Variants in SLC12A2 observed in about 807,000 individuals in gnomAD.
The protein encoded by SLC12A2 is solute carrier family 12 member 2, also known as Na-K-2Cl cotransporter 1.
In SLC12A2, 67 loss-of-function variants were observed where a neutral mutation model predicts 136.3. That is an observed-to-expected ratio of 0.49 (90% CI 0.40 to 0.60). The LOEUF (loss-of-function observed/expected upper bound fraction) is 0.60. SLC12A2 is among the 20% of genes least tolerant of loss of function. SLC12A2 has a pLI of 0.00. For synonymous variants in SLC12A2, 619 were observed against 562.9 expected, an observed-to-expected ratio of 1.10 and a Z score of -1.41; for missense variants, 1,322 against 1,534.7, an observed-to-expected ratio of 0.86 and a Z score of 2.32.
At chr5:128,090,951 G>A (rs1363833584) in intron 1 of SLC12A2, among the ~76,000 whole-genome samples, 2 of 152,206 alleles carry the variant, frequency 1.3e-5, no homozygotes, top group African/African-American at 4.8e-5. Context: ...GGAAGGCATT[G>A]TAGGGTTTTG....
At chr5:128,111,066 TATTA>T (rs1761125850) in intron 1 of SLC12A2, 8 of 602,308 alleles carry the variant, frequency 1.3e-5, no homozygotes, top group African/African-American at 1.9e-5. Flanking sequence ...TTTTTTTAAG[TATTA>T]ATTCCATGGA....
intron 4 of SLC12A2, among the ~76,000 whole-genome samples, chr5:128,121,818 C>T (rs1179025276): frequency 6.6e-6 from 1 of 152,164 alleles, no homozygotes; most frequent in Non-Finnish European, 1.5e-5. Flanking sequence ...CTTTCCTGTT[C>T]TACGAATCAT....
chr5:128,135,627 A>T (rs1762162841), intron 6 of SLC12A2, 73 bp from the exon 7 acceptor site: 4 of 1,002,142 alleles, frequency 4.0e-6, no homozygotes, highest in Non-Finnish European at 6.3e-6. Flanking sequence ...CATGGAAGTT[A>T]TATTCTAGGG....
chr5:128,154,347 G>A (rs1459485359), intron 15 of SLC12A2, among the ~76,000 whole-genome samples: 2 of 151,764 alleles, frequency 1.3e-5, no homozygotes, highest in African/African-American at 4.8e-5. Flanking sequence ...GCCAAGGAGT[G>A]TCTAGGCTAT....
intron 21 of SLC12A2, 51 bp from the exon 22 acceptor site, chr5:128,178,516 G>A (rs1303084750): frequency 5.1e-6 from 7 of 1,376,780 alleles, no homozygotes; most frequent in Non-Finnish European, 6.8e-6. Flanking sequence ...TCAGCAAAAG[G>A]GACTTTAATA....
intron 4 of SLC12A2, 95 bp downstream of exon 4, chr5:128,114,776 C>A: frequency 1.3e-6 from 1 of 773,426 alleles, no homozygotes. Context: ...TTAACTGAAG[C>A]AACATATTAA....
At chr5:128,154,730 A>G (rs1031278937) in intron 15 of SLC12A2, among the ~76,000 whole-genome samples, 17 of 152,270 alleles carry the variant, frequency 1.1e-4, no homozygotes, top group African/African-American at 3.6e-4. Flanking sequence ...GTTGTTGTTC[A>G]TGTCTTCTAT....
At chr5:128,110,736 C>A (rs532239604) in intron 1 of SLC12A2, 10 of 1,454,834 alleles carry the variant, frequency 6.9e-6, no homozygotes, top group South Asian at 1.1e-5. Flanking sequence ...GCAACCTGAG[C>A]GATCTGCTAG....
chr5:128,167,631 A>G (rs1246347467), intron 17 of SLC12A2, 130 bp from the exon 18 acceptor site: 1 of 549,518 alleles, frequency 1.8e-6, no homozygotes, highest in Non-Finnish European at 3.2e-6. Context: ...AAATATGAAT[A>G]TGGAATGCTG....
intron 19 of SLC12A2, among the ~76,000 whole-genome samples, 183 bp from the exon 20 acceptor site, chr5:128,174,358 C>G (rs1443962617): frequency 6.6e-6 from 1 of 152,056 alleles, no homozygotes; most frequent in East Asian, 1.9e-4. Flanking sequence ...CAACCTGTAA[C>G]CTAGTTGTGG....
chr5:128,097,363 C>T (rs974839789), intron 1 of SLC12A2, among the ~76,000 whole-genome samples: 1 of 151,974 alleles, frequency 6.6e-6, no homozygotes, highest in African/African-American at 2.4e-5. Context: ...CCAATGCTGC[C>T]TATAGAATAT....
rs1356837030 is a variant in SLC12A2 at position 128,083,834 on chromosome 5, G to T, written c.-121G>T. ...CCAGGCTAGCGGCGGCCCGCAGGCG[G>T]CGGGGAGAAAGACTCTCTCACCTGG... On this transcript the variant is annotated 5_prime_UTR_variant, in exon 1 of 27. Transcript: ENST00000262461. 2.6e-6 allele frequency: 2 copies of T among 758,678 alleles called. No homozygotes were observed. Among genetic ancestry groups the T allele is most frequent in the Non-Finnish European group, 3.6e-6 (2 of 562,364 alleles). 47.0% of individuals were successfully genotyped at this position (758,678 alleles called of 1,614,324 possible).
chr5:128,170,679 G>A lies in SLC12A2; in HGVS notation c.2724-988G>A, dbSNP rs142816717. The stretch of plus-strand genomic sequence containing the variant: ...CGTTTTGGAATTTAAAATTTTTTCA[G>A]TAGATTTGAGAAAAACTTGGGTTAA... On this transcript the variant is annotated intron_variant, in intron 18 of 26. Transcript: ENST00000262461. The A allele has an allele frequency of 2.8e-3, 419 of 152,236 alleles. 1 individual carries two copies. Among genetic ancestry groups the A allele is most frequent in the African/African-American group, 9.8e-3 (407 of 41,558 alleles). The allele number at this position is 152,236 out of a possible 1,614,324, so 9.4% of individuals were successfully genotyped here.
Position 128,171,666 on chromosome 5 carries a change from G to A in SLC12A2, c.2724-1G>A. On this transcript the variant is annotated splice_acceptor_variant, in intron 18 of 26. Transcript: ENST00000262461. LOFTEE classifies it high-confidence loss of function. ...TTCATTTTTTGTTTTTTTGTTCTTA[G>A]TGATGCTTTTGACATACAATATGGA... The A allele has an allele frequency of 6.4e-7, 1 of 1,555,294 alleles. No individual in the cohort carries two copies. The highest frequency in any genetic ancestry group is 8.6e-7 in the Non-Finnish European group (1 of 1,156,098).
At chr5:128,148,953 A>T in intron 12 of SLC12A2, 76 bp downstream of exon 12, 1 of 1,239,994 alleles carries the variant, frequency 8.1e-7, no homozygotes, top group Non-Finnish European at 1.1e-6. Flanking sequence ...TTAAATTATT[A>T]ACAATGTTAT....
intron 4 of SLC12A2, among the ~76,000 whole-genome samples, chr5:128,123,017 G>A (rs1040350669): frequency 2.0e-5 from 3 of 152,002 alleles, no homozygotes; most frequent in Non-Finnish European, 2.9e-5. Context: ...GCTCAGATAC[G>A]AATCTGGCAA....
intron 16 of SLC12A2, among the ~76,000 whole-genome samples, chr5:128,161,425 T>C (rs531519601): frequency 8.5e-5 from 13 of 152,188 alleles, no homozygotes; most frequent in Non-Finnish European, 1.9e-4. Flanking sequence ...TGTAAGTCTG[T>C]GTTTCTTCTC....
At chr5:128,109,511 G>T in intron 1 of SLC12A2, 1 of 594,064 alleles carries the variant, frequency 1.7e-6, no homozygotes, top group Non-Finnish European at 3.1e-6. Context: ...CTGCTTTATT[G>T]CTTCTTTCTG....
At chr5:128,141,098 T>G (rs1743478954) in intron 9 of SLC12A2, among the ~76,000 whole-genome samples, 1 of 152,208 alleles carries the variant, frequency 6.6e-6, no homozygotes, top group South Asian at 2.1e-4. Context: ...AATAATAAAT[T>G]GCTTGTTTCA....
Sources: allele counts gnomAD v4.1 joint callset (sites outside exome capture counted in the v4.1 genomes callset), GRCh38; gene constraint gnomAD v4.1.1; transcripts MANE v1.5; gene names NCBI Gene and HGNC (gene_info 2026-07-23, HGNC 2026-07-21).